Variants in LYPLAL1 observed in about 807,000 individuals in gnomAD.
The protein encoded by LYPLAL1 is lysophospholipase-like protein 1.
Under a neutral mutation model 19.7 loss-of-function variants are expected in LYPLAL1, and 23 were observed. That is an observed-to-expected ratio of 1.17 (90% CI 0.84 to 1.65). The LOEUF is 1.65. LYPLAL1 is among the 40% of genes most tolerant of loss of function. The probability of loss-of-function intolerance (pLI) is 0.00; values close to 1 mark genes in which losing one functional copy is unlikely to be tolerated. For synonymous variants in LYPLAL1, 119 were observed against 96.3 expected (o/e 1.24, Z -1.38); for missense variants, 355 against 279.4 (o/e 1.27, Z -1.93).
chr1:219,414,360 C>A, the LYPLAL1 span, among the ~76,000 whole-genome samples: 12 of 152,276 alleles, frequency 7.9e-5, no homozygotes, highest in East Asian at 2.1e-3. Flanking sequence ...TTGAGAGTTA[C>A]AATAGCTTTA....
the LYPLAL1 span, among the ~76,000 whole-genome samples, chr1:219,429,492 T>C: frequency 2.0e-5 from 3 of 151,986 alleles, no homozygotes; most frequent in African/African-American, 7.2e-5. Flanking sequence ...ACCCTGTCTC[T>C]ACAAAAAATT....
At chr1:219,185,431 C>G (rs1656647121) in intron 2 of LYPLAL1, among the ~76,000 whole-genome samples, 1 of 151,850 alleles carries the variant, frequency 6.6e-6, no homozygotes, top group Non-Finnish European at 1.5e-5. Flanking sequence ...TACATTAAAT[C>G]TATACATTTC....
the LYPLAL1 span, among the ~76,000 whole-genome samples, chr1:219,314,986 A>G: frequency 2.0e-5 from 3 of 152,066 alleles, no homozygotes; most frequent in East Asian, 1.9e-4. Context: ...TTGTGTGTGT[A>G]CATGTTGGGA....
chr1:219,224,548 T>C, the LYPLAL1 span, among the ~76,000 whole-genome samples: 1 of 152,284 alleles, frequency 6.6e-6, no homozygotes, highest in East Asian at 1.9e-4. Flanking sequence ...TACTCATGGT[T>C]CTGATTATGC....
At chr1:219,290,948 A>C in the LYPLAL1 span, among the ~76,000 whole-genome samples, 4 of 152,204 alleles carry the variant, frequency 2.6e-5, no homozygotes, top group Non-Finnish European at 5.9e-5. Context: ...GGAAAACCTG[A>C]GATCAAATCC....
the LYPLAL1 span, among the ~76,000 whole-genome samples, chr1:219,426,447 A>ACT: frequency 6.6e-6 from 1 of 152,212 alleles, no homozygotes; most frequent in East Asian, 1.9e-4. Context: ...GTGTTTTTAA[A>ACT]GTACTAGCTG....
the LYPLAL1 span, among the ~76,000 whole-genome samples, chr1:219,297,924 A>G: frequency 3.3e-5 from 5 of 152,188 alleles, no homozygotes; most frequent in Non-Finnish European, 7.3e-5. Context: ...CCCCTTAACA[A>G]TTCTATAAAA....
In LYPLAL1 at chr1:219,204,180, C is replaced by T. The variant is rs59804372; in HGVS notation, c.362-6352C>T. ...AATTTATTTTTGTATATTTATGTTT[C>T]ATATGATTCTACCAGACATTAAGAT... On this transcript the variant is annotated intron_variant, in intron 3 of 4. Coordinates refer to ENST00000366928, the MANE Select transcript of LYPLAL1 (RefSeq NM_138794.5). Among the ~76,000 whole-genome samples, 702 of 152,238 alleles carry T rather than the reference C, an allele frequency of 4.6e-3. 4 individuals carry two copies. The highest frequency in any genetic ancestry group is 0.016 in the African/African-American group (656 of 41,540).
chr1:219,198,496 C>G (rs2125081569), intron 3 of LYPLAL1: 1 of 151,920 alleles, frequency 6.6e-6, no homozygotes, highest in East Asian at 1.9e-4. Flanking sequence ...TATATTTTTT[C>G]TCATAATGGA....
At position 219,173,909 on chromosome 1, in the gene LYPLAL1, T is replaced by C. The variant is rs1484001712; in HGVS notation, c.19T>C (p.Ser7Pro). Residue 7 changes from serine (S) to proline (P), a missense_variant, in exon 1 of 5, where the codon TCG (serine) becomes CCG (proline). Transcript: ENST00000366928. ...ATCAGCGATGGCGGCTGCGTCGGGG[T>C]CGGTTCTGCAGCGCTGTATCGTGTC... MAAASG[S>P]VLQRCIVSPA... 1.9e-6 allele frequency: 3 copies of C among 1,612,808 alleles called. No individual in the cohort carries two copies. Among genetic ancestry groups the C allele is most frequent in the Non-Finnish European group, 2.5e-6 (3 of 1,179,824 alleles).
At chr1:219,381,449 T>G in the LYPLAL1 span, among the ~76,000 whole-genome samples, 1 of 152,230 alleles carries the variant, frequency 6.6e-6, no homozygotes, top group Non-Finnish European at 1.5e-5. Context: ...TTGGCTGTCA[T>G]GTAGACTCAC....
chr1:219,271,916 G>A, the LYPLAL1 span: 1 of 152,322 alleles, frequency 6.6e-6, no homozygotes, highest in South Asian at 2.1e-4. Flanking sequence ...GGCAGTCTGT[G>A]AAAACCAGCA....
At chr1:219,281,860 A>G in the LYPLAL1 span, among the ~76,000 whole-genome samples, 1 of 152,132 alleles carries the variant, frequency 6.6e-6, no homozygotes, top group Non-Finnish European at 1.5e-5. Flanking sequence ...TGAGATCCTC[A>G]ATGGAAAGGG....
the LYPLAL1 span, among the ~76,000 whole-genome samples, chr1:219,428,035 A>G: frequency 5.0e-4 from 76 of 152,342 alleles, no homozygotes; most frequent in Non-Finnish European, 9.3e-4. Flanking sequence ...TGAAAGCCAT[A>G]AAACCATAAA....
the LYPLAL1 span, among the ~76,000 whole-genome samples, chr1:219,439,429 C>T: frequency 1.1e-4 from 16 of 152,154 alleles, no homozygotes; most frequent in Admixed American, 4.6e-4. Flanking sequence ...TTCCATGATA[C>T]GTTATCCAAC....
the LYPLAL1 span, among the ~76,000 whole-genome samples, chr1:219,283,415 G>GCTAA: frequency 6.6e-6 from 1 of 152,182 alleles, no homozygotes; most frequent in Admixed American, 6.5e-5. Context: ...CAAACGTGGA[G>GCTAA]CTAAGTACAA....
intron 3 of LYPLAL1, among the ~76,000 whole-genome samples, chr1:219,195,904 C>T (rs1023645944): frequency 6.6e-6 from 1 of 152,104 alleles, no homozygotes; most frequent in Admixed American, 6.6e-5. Flanking sequence ...CATGTGTTCT[C>T]ATGGTTCAGC....
At chr1:219,240,356 A>G in the LYPLAL1 span, among the ~76,000 whole-genome samples, 1 of 152,256 alleles carries the variant, frequency 6.6e-6, no homozygotes, top group East Asian at 1.9e-4. Flanking sequence ...TGAAACTGAC[A>G]TGACAAAGTG....
the LYPLAL1 span, among the ~76,000 whole-genome samples, chr1:219,443,983 C>G: frequency 6.6e-6 from 1 of 152,126 alleles, no homozygotes; most frequent in Non-Finnish European, 1.5e-5. Flanking sequence ...ATTCATCTAA[C>G]GGACACAGCT....
Sources: allele counts gnomAD v4.1 joint callset (sites outside exome capture counted in the v4.1 genomes callset), GRCh38; gene constraint gnomAD v4.1.1; transcripts MANE v1.5; gene names NCBI Gene and HGNC (gene_info 2026-07-23, HGNC 2026-07-21).